The following UTS2B variants were observed in gnomAD, a reference collection of about 807,000 sequenced individuals.
UTS2B encodes the protein urotensin-2B.
A neutral mutation model predicts 19.2 loss-of-function variants in UTS2B; 21 were observed. The observed-to-expected ratio is 1.09, with a 90% confidence interval of 0.78 to 1.58. The LOEUF is 1.58. Ranked by LOEUF, UTS2B falls within the 40% of genes most tolerant of loss-of-function variation. The pLI, the probability that UTS2B is intolerant of heterozygous loss-of-function variation, is 0.00. For synonymous variants in UTS2B, 57 were observed against 50.2 expected, an observed-to-expected ratio of 1.14 and a Z score of -0.58; for missense variants, 138 against 130.3, an observed-to-expected ratio of 1.06 and a Z score of -0.29.
At chr3:191,324,850 A>G (rs139258697) in intron 2 of UTS2B, among the ~76,000 whole-genome samples, 2,224 of 152,188 alleles carry the variant, frequency 0.015, 56 homozygotes, top group African/African-American at 0.051. Flanking sequence ...GGAGTTCAAG[A>G]CCAGCCTGGC....
At chr3:191,313,617 A>C (rs564211972) in intron 3 of UTS2B, among the ~76,000 whole-genome samples, 1 of 152,120 alleles carries the variant, frequency 6.6e-6, no homozygotes, top group African/African-American at 2.4e-5. Context: ...TAAATTTGTC[A>C]TACTGTCTGC....
intron 4 of UTS2B, among the ~76,000 whole-genome samples, chr3:191,288,894 G>A (rs1415798789): frequency 1.3e-5 from 2 of 149,120 alleles, no homozygotes; most frequent in South Asian, 2.2e-4. Flanking sequence ...TTTGAGATAC[G>A]ATTCCAAAGC....
At chr3:191,271,965 C>T (rs1430479769) in intron 8 of UTS2B, among the ~76,000 whole-genome samples, 4 of 152,162 alleles carry the variant, frequency 2.6e-5, no homozygotes, top group Non-Finnish European at 5.9e-5. Flanking sequence ...TCCTAGGGAT[C>T]CCACATCCCC....
intron 5 of UTS2B, among the ~76,000 whole-genome samples, chr3:191,278,653 G>T (rs1716303837): frequency 6.6e-6 from 1 of 151,942 alleles, no homozygotes; most frequent in South Asian, 2.1e-4. Context: ...AAGGAAGATT[G>T]TGGCAAAGCT....
chr3:191,309,172 G>GT (rs1022846379), intron 3 of UTS2B, among the ~76,000 whole-genome samples: 27 of 151,278 alleles, frequency 1.8e-4, no homozygotes, highest in Admixed American at 6.6e-4. Flanking sequence ...TGTTTTGTTT[G>GT]TTTTTTTTTA....
intron 2 of UTS2B, among the ~76,000 whole-genome samples, chr3:191,326,355 G>A (rs1717745906): frequency 6.6e-6 from 1 of 151,962 alleles, no homozygotes; most frequent in Admixed American, 6.5e-5. Flanking sequence ...AGCTCTAACT[G>A]GGGGATGCTT....
upstream of UTS2B, among the ~76,000 whole-genome samples, chr3:191,333,658 A>G (rs897308945): frequency 6.6e-6 from 1 of 152,192 alleles, no homozygotes; most frequent in Admixed American, 6.5e-5. Flanking sequence ...GTAATCAGCA[A>G]CTATTCAGTA....
chr3:191,321,392 G>T (rs1010589408), intron 2 of UTS2B, among the ~76,000 whole-genome samples: 19 of 152,214 alleles, frequency 1.2e-4, no homozygotes, highest in African/African-American at 4.6e-4. Flanking sequence ...ATCATTTAAT[G>T]AATGCAAGAA....
intron 4 of UTS2B, among the ~76,000 whole-genome samples, chr3:191,288,687 T>A (rs1716624344): frequency 6.6e-6 from 1 of 152,196 alleles, no homozygotes; most frequent in Non-Finnish European, 1.5e-5. Flanking sequence ...ACTACTTTTT[T>A]CTATTTCTGT....
intron 4 of UTS2B, among the ~76,000 whole-genome samples, chr3:191,293,863 C>T (rs11720878): frequency 0.39 from 58,680 of 151,212 alleles, 11,998 homozygotes; most frequent in East Asian, 0.64. Context: ...TTTGAGAAGC[C>T]GGGGGTGGGG....
chr3:191,336,499 T>G, the UTS2B span, among the ~76,000 whole-genome samples: 7 of 152,184 alleles, frequency 4.6e-5, no homozygotes, highest in African/African-American at 1.7e-4. Context: ...AAATTTTAGC[T>G]CATTTTAAAA....
chr3:191,277,833 A>G (rs1278266760), intron 6 of UTS2B, among the ~76,000 whole-genome samples: 3 of 151,596 alleles, frequency 2.0e-5, no homozygotes, highest in African/African-American at 7.3e-5. Context: ...TTTTTTAACT[A>G]TATGTTTACC....
chr3:191,332,043 A>G (rs796977489), upstream of UTS2B, among the ~76,000 whole-genome samples: 11 of 152,294 alleles, frequency 7.2e-5, no homozygotes, highest in African/African-American at 2.6e-4. Flanking sequence ...ATTTGGTATC[A>G]TGGGGTAGAT....
At chr3:191,312,205 C>A (rs1437407292) in intron 3 of UTS2B, among the ~76,000 whole-genome samples, 1 of 151,188 alleles carries the variant, frequency 6.6e-6, no homozygotes, top group Non-Finnish European at 1.5e-5. Context: ...CCTTCACCAA[C>A]GCCAGGCTTC....
At chr3:191,306,067 T>A (rs1277579708) in intron 3 of UTS2B, among the ~76,000 whole-genome samples, 2 of 152,330 alleles carry the variant, frequency 1.3e-5, no homozygotes, top group South Asian at 2.1e-4. Flanking sequence ...TTGATTACTG[T>A]TGCCCTGTGG....
intron 3 of UTS2B, among the ~76,000 whole-genome samples, chr3:191,312,015 G>A (rs1219875104): frequency 6.6e-6 from 1 of 151,920 alleles, no homozygotes; most frequent in East Asian, 1.9e-4. Context: ...AGCCAGGTGT[G>A]GTGGCGTGCA....
intron 2 of UTS2B, among the ~76,000 whole-genome samples, chr3:191,321,615 G>A (rs1412637231): frequency 6.6e-6 from 1 of 152,176 alleles, no homozygotes; most frequent in South Asian, 2.1e-4. Flanking sequence ...ACCCATAGAG[G>A]ATAGGAAATT....
intron 3 of UTS2B, among the ~76,000 whole-genome samples, chr3:191,310,371 C>G (rs12490558): frequency 0.29 from 44,565 of 151,772 alleles, 6,909 homozygotes; most frequent in African/African-American, 0.38. Flanking sequence ...GCCAGAATAA[C>G]AAAGATAATA....
chr3:191,269,368 C>G (rs1168600645), intron 8 of UTS2B, among the ~76,000 whole-genome samples: 1 of 152,208 alleles, frequency 6.6e-6, no homozygotes, highest in African/African-American at 2.4e-5. Flanking sequence ...CACTCAGAGC[C>G]TATTTTTCAT....
Sources: gnomAD v4.1 joint callset for allele counts (sites outside exome capture counted in the v4.1 genomes callset) on GRCh38, gnomAD v4.1.1 for gene constraint, MANE v1.5 for transcripts, NCBI Gene and HGNC (gene_info 2026-07-23, HGNC 2026-07-21) for gene names.